CNTN4: variants seen among roughly 807,000 people sequenced by gnomAD.
CNTN4 encodes the protein contactin 4.
A neutral mutation model predicts 122.5 loss-of-function variants in CNTN4; 77 were observed. The ratio of observed to expected loss-of-function variants is 0.63; its 90% CI spans 0.52 to 0.76. CNTN4 has a LOEUF of 0.76. Ranked by LOEUF, CNTN4 falls within the 30% of genes least tolerant of loss-of-function variation. CNTN4 has a pLI of 0.00. For missense variants in CNTN4, 1,256 were observed against 1,259.1 expected, an observed-to-expected ratio of 1.00 and a Z score of 0.04; for synonymous variants, 512 against 447.0, an observed-to-expected ratio of 1.15 and a Z score of -1.83.
chr3:2,902,710 C>A (rs536304569), intron 11 of CNTN4, among the ~76,000 whole-genome samples, 166 bp from the exon 12 acceptor site: 5 of 152,156 alleles, frequency 3.3e-5, no homozygotes, highest in Admixed American at 2.0e-4. Flanking sequence ...TAGCATCTGA[C>A]CTGCTACAAA....
At chr3:2,916,971 A>G (rs2094368284) in intron 12 of CNTN4, among the ~76,000 whole-genome samples, 1 of 133,342 alleles carries the variant, frequency 7.5e-6, no homozygotes, top group Non-Finnish European at 1.6e-5. Context: ...TGGAGGTTGC[A>G]GCGAGCCGAG....
intron 3 of CNTN4, among the ~76,000 whole-genome samples, chr3:2,348,692 CA>C (rs1329467652): frequency 6.6e-6 from 1 of 152,062 alleles, no homozygotes; most frequent in Non-Finnish European, 1.5e-5. Flanking sequence ...ATTATGTTTT[CA>C]AAACTGGAAG....
At chr3:2,592,685 G>A (rs1385793449) in intron 4 of CNTN4, among the ~76,000 whole-genome samples, 2 of 152,190 alleles carry the variant, frequency 1.3e-5, no homozygotes, top group Admixed American at 1.3e-4. Flanking sequence ...ACGTAGAACT[G>A]TAAGTCCATT....
chr3:2,235,489 T>C (rs2039647486), intron 2 of CNTN4, among the ~76,000 whole-genome samples: 1 of 152,252 alleles, frequency 6.6e-6, no homozygotes, highest in Admixed American at 6.5e-5. Flanking sequence ...TTTCTAATAA[T>C]TCCTATAATT....
intron 3 of CNTN4, among the ~76,000 whole-genome samples, chr3:2,479,490 T>C (rs543502392): frequency 6.6e-6 from 1 of 152,286 alleles, no homozygotes; most frequent in Admixed American, 6.5e-5. Flanking sequence ...GAAGAAAGTT[T>C]CGTTATTGGG....
At chr3:3,043,570 G>A (rs201415080) in intron 22 of CNTN4, 22 bp from the exon 23 acceptor site, 42 of 1,535,482 alleles carry the variant, frequency 2.7e-5, no homozygotes, top group African/African-American at 1.9e-4. Context: ...CTGTGACTTC[G>A]TATATCTTAA....
At chr3:2,903,662 G>C (rs1431479671) in intron 12 of CNTN4, among the ~76,000 whole-genome samples, 1 of 152,170 alleles carries the variant, frequency 6.6e-6, no homozygotes, top group Non-Finnish European at 1.5e-5. Context: ...AGAAAGTCAT[G>C]CTTGGGTCAA....
intron 13 of CNTN4, chr3:2,927,394 C>A: frequency 4.5e-6 from 2 of 446,970 alleles, no homozygotes; most frequent in Non-Finnish European, 9.0e-6. Context: ...GGAAAAGAGC[C>A]AAACATGCAT....
chr3:3,024,949 G>A (rs55840742), intron 14 of CNTN4, among the ~76,000 whole-genome samples: 10,673 of 152,118 alleles, frequency 0.07, 543 homozygotes, highest in Admixed American at 0.11. Context: ...TTTATTATTT[G>A]GTTTGGTTTT....
chr3:2,528,657 A>G (rs897771568), intron 3 of CNTN4, among the ~76,000 whole-genome samples: 1 of 152,186 alleles, frequency 6.6e-6, no homozygotes, highest in Non-Finnish European at 1.5e-5. Context: ...TGGTGGCTAA[A>G]GCCCTGTAAG....
intron 3 of CNTN4, among the ~76,000 whole-genome samples, chr3:2,498,050 G>A (rs1019835814): frequency 2.6e-5 from 4 of 152,090 alleles, no homozygotes; most frequent in Non-Finnish European, 4.4e-5. Context: ...GTCAATGGTA[G>A]TAAAAAGTTG....
chr3:2,558,312 C>T (rs2078806303), intron 3 of CNTN4, among the ~76,000 whole-genome samples: 1 of 152,168 alleles, frequency 6.6e-6, no homozygotes, highest in African/African-American at 2.4e-5. Context: ...AATGTCCAGG[C>T]TGCAATCCAC....
At chr3:2,591,388 G>A (rs529461854) in intron 4 of CNTN4, among the ~76,000 whole-genome samples, 2,186 of 32,092 alleles carry the variant, frequency 0.068, 327 homozygotes, top group Middle Eastern at 0.23. Flanking sequence ...TTTTTGAGAC[G>A]GAGTCTCGCT....
At chr3:2,222,481 G>A (rs989792364) in intron 2 of CNTN4, among the ~76,000 whole-genome samples, 2 of 152,048 alleles carry the variant, frequency 1.3e-5, no homozygotes, top group African/African-American at 4.8e-5. Flanking sequence ...CTGAAATTGG[G>A]TGGAAACTCT....
At chr3:2,242,035 A>G (rs1210659882) in intron 2 of CNTN4, among the ~76,000 whole-genome samples, 1 of 152,210 alleles carries the variant, frequency 6.6e-6, no homozygotes, top group Non-Finnish European at 1.5e-5. Context: ...ATCTGCATAC[A>G]TGGTCTTAGG....
rs143549712 is a variant in CNTN4 at position 2,825,455 on chromosome 3, C to G, written c.454+5874C>G. 8.8e-3 allele frequency among the ~76,000 whole-genome samples: 1,347 copies of G among 152,230 alleles called. 15 individuals are homozygous for G. The highest frequency in any genetic ancestry group is 0.041 in the Middle Eastern group (12 of 294). ...ACCAGGCTGGTCTCAAACTCCTGACCTCAGGATCCACCCGCTTCAGCCTCC... is the reference window on the plus strand; with the variant it reads ...ACCAGGCTGGTCTCAAACTCCTGACGTCAGGATCCACCCGCTTCAGCCTCC... On this transcript the variant is annotated intron_variant, in intron 7 of 24. Coordinates refer to ENST00000418658, the MANE Select transcript of CNTN4 (RefSeq NM_175607.3).
At chr3:2,625,463 T>C (rs1373063238) in intron 4 of CNTN4, among the ~76,000 whole-genome samples, 2 of 152,220 alleles carry the variant, frequency 1.3e-5, no homozygotes, top group Non-Finnish European at 2.9e-5. Context: ...TCCAGAATGC[T>C]CCTCTGTGAT....
chr3:2,204,523 C>T (rs1224422883), intron 2 of CNTN4, among the ~76,000 whole-genome samples: 1 of 152,146 alleles, frequency 6.6e-6, no homozygotes, highest in Non-Finnish European at 1.5e-5. Flanking sequence ...CAAAGTAAAA[C>T]TTCTGAATGG....
At chr3:2,613,575 A>G (rs141351920) in intron 4 of CNTN4, among the ~76,000 whole-genome samples, 143 of 152,306 alleles carry the variant, frequency 9.4e-4, no homozygotes, top group African/African-American at 3.4e-3. Context: ...TATACATAAG[A>G]CCATGTATAT....
Sources: gnomAD v4.1 joint callset for allele counts (sites outside exome capture counted in the v4.1 genomes callset) on GRCh38, gnomAD v4.1.1 for gene constraint, MANE v1.5 for transcripts, NCBI Gene and HGNC (gene_info 2026-07-23, HGNC 2026-07-21) for gene names.